DISC1: variants seen among roughly 807,000 people sequenced by gnomAD.
The protein encoded by DISC1 is disrupted in schizophrenia 1 protein.
DISC1 carries 57 observed loss-of-function variants against 84.5 expected under a neutral mutation model. That is an observed-to-expected ratio of 0.67 (90% CI 0.55 to 0.84). The LOEUF is 0.84. Ranked by LOEUF, DISC1 falls within the 40% of genes least tolerant of loss-of-function variation. DISC1 has a pLI of 0.00. For synonymous variants in DISC1, 411 were observed against 415.2 expected (o/e 0.99, Z 0.12); for missense variants, 1,000 against 1,057.8 (o/e 0.95, Z 0.76).
At chr1:231,969,137 C>A (rs1047059856) in intron 10 of DISC1, among the ~76,000 whole-genome samples, 1 of 150,734 alleles carries the variant, frequency 6.6e-6, no homozygotes, top group African/African-American at 2.4e-5. Context: ...GTAGCTAATA[C>A]CCTCCATTAA....
rs1178807714 is a variant in DISC1, at chr1:231,717,481, T to A, written c.1117+15457T>A. ...TCAGAAAAGCCAAGGCCCGCCTCCC[T>A]CTGCTGACTCTGTCTCACTGAGCCA... On this transcript the variant is annotated intron_variant, in intron 3 of 12. Transcript: ENST00000439617. Among the ~76,000 whole-genome samples the A allele has an allele frequency of 2.6e-5, 4 of 152,168 alleles. No homozygotes were observed. In the East Asian group the frequency reaches 7.7e-4, roughly 29 times the overall value.
chr1:231,855,287 A>G (rs2084190266), intron 9 of DISC1: 1 of 819,444 alleles, frequency 1.2e-6, no homozygotes, highest in Non-Finnish European at 1.4e-6. Flanking sequence ...TATATAACAT[A>G]TGTATATTTC....
At chr1:231,776,480 C>A (rs553345887) in intron 6 of DISC1, among the ~76,000 whole-genome samples, 1 of 152,180 alleles carries the variant, frequency 6.6e-6, no homozygotes. Context: ...GCTGGCTGGG[C>A]CTTGGTTGGA....
At chr1:231,967,652 A>T (rs1220881255) in intron 10 of DISC1, among the ~76,000 whole-genome samples, 1 of 152,216 alleles carries the variant, frequency 6.6e-6, no homozygotes, top group Non-Finnish European at 1.5e-5. Context: ...TATTTTGACC[A>T]ATTTTACAAG....
intron 1 of DISC1, among the ~76,000 whole-genome samples, chr1:231,635,174 A>C (rs1340674699): frequency 2.0e-5 from 3 of 152,032 alleles, no homozygotes; most frequent in African/African-American, 7.3e-5. Flanking sequence ...GACAGTCCTC[A>C]CAAAGCACAG....
intron 9 of DISC1, among the ~76,000 whole-genome samples, chr1:231,957,618 G>C (rs1659742284): frequency 6.6e-6 from 1 of 152,184 alleles, no homozygotes; most frequent in Non-Finnish European, 1.5e-5. Flanking sequence ...AATTGCTCCA[G>C]CTAGCACAAC....
chr1:231,844,604 A>G (rs1048863689), intron 9 of DISC1, among the ~76,000 whole-genome samples: 1 of 152,152 alleles, frequency 6.6e-6, no homozygotes, highest in Non-Finnish European at 1.5e-5. Flanking sequence ...GCGGGCAGGG[A>G]GGCTTCCAGG....
chr1:232,015,208 A>T (rs1253302214), intron 11 of DISC1, among the ~76,000 whole-genome samples: 1 of 151,498 alleles, frequency 6.6e-6, no homozygotes, highest in East Asian at 1.9e-4. Context: ...AAGGAAGGGG[A>T]CTCCTCTGAT....
chr1:231,972,742 G>T (rs565205277), intron 10 of DISC1, among the ~76,000 whole-genome samples: 2 of 152,310 alleles, frequency 1.3e-5, no homozygotes, highest in Admixed American at 6.5e-5. Context: ...GGCAGATAAA[G>T]AAAATGGCAG....
intron 10 of DISC1, among the ~76,000 whole-genome samples, chr1:231,992,283 T>C (rs556429588): frequency 6.6e-4 from 101 of 152,342 alleles, no homozygotes; most frequent in African/African-American, 2.3e-3. Flanking sequence ...ATCTTTATAT[T>C]GGATGCAAAT....
Position 232,009,399 on chromosome 1 carries a change from C to T in DISC1, c.2307+350C>T. 1.4e-6 allele frequency: 1 copy of T among 706,014 alleles called. No individual in the cohort carries two copies. The highest frequency in any genetic ancestry group is 1.8e-6 in the Non-Finnish European group (1 of 566,964). 43.7% of individuals were successfully genotyped at this position (706,014 alleles called of 1,614,324 possible). On this transcript the variant is annotated intron_variant, in intron 11 of 12. Transcript: ENST00000439617. The surrounding 1 kb of genome is among the most constrained non-coding windows in gnomAD (Gnocchi z 4.6). ...TTATATTCACTATAGATTATATATG[C>T]CATACATGATATTTAACATATATAC...
intron 3 of DISC1, among the ~76,000 whole-genome samples, chr1:231,740,909 C>T (rs1434221811): frequency 6.6e-6 from 1 of 152,184 alleles, no homozygotes; most frequent in Non-Finnish European, 1.5e-5. Flanking sequence ...CACTCAAAAG[C>T]TTTCAGACTT....
chr1:231,762,804 G>A (rs796725869), intron 4 of DISC1, among the ~76,000 whole-genome samples: 1 of 152,100 alleles, frequency 6.6e-6, no homozygotes, highest in South Asian at 2.1e-4. Context: ...TGAGGGTGGG[G>A]TCTGTATACA....
chr1:232,002,636 CACAA>C (rs1337173348), intron 10 of DISC1, among the ~76,000 whole-genome samples: 4,873 of 132,454 alleles, frequency 0.037, 246 homozygotes, highest in African/African-American at 0.13. Context: ...CACACACACA[CACAA>C]AAGCCAATCC....
chr1:232,035,937 C>A (rs1670477849), intron 12 of DISC1, among the ~76,000 whole-genome samples: 1 of 152,074 alleles, frequency 6.6e-6, no homozygotes, highest in South Asian at 2.1e-4. Context: ...TTGTTTTCTC[C>A]ATGTGAGAAA....
At chr1:231,681,774 C>T (rs2063721748) in intron 1 of DISC1, among the ~76,000 whole-genome samples, 1 of 152,044 alleles carries the variant, frequency 6.6e-6, no homozygotes, top group African/African-American at 2.4e-5. Context: ...TGGCTCACTG[C>T]AACCTCCGCC....
chr1:232,031,825 T>C lies in DISC1; in HGVS notation c.2426-4867T>C, dbSNP rs750288062. Among the ~76,000 whole-genome samples the C allele has an allele frequency of 4.6e-5, 7 of 152,188 alleles. No individual in the cohort carries two copies. Among genetic ancestry groups the C allele is most frequent in the Middle Eastern group, 3.2e-3 (1 of 316 alleles). On this transcript the variant is annotated intron_variant, in intron 12 of 12. Transcript: ENST00000439617. The surrounding 1 kb of genome is among the most constrained non-coding windows in gnomAD (Gnocchi z 4.6). ...TGGGTATAGTCAAGGTTTTCCTCTTTGCTCTTGAAAGACTGTGATCCTCAT... is the reference window on the plus strand; with the variant it reads ...TGGGTATAGTCAAGGTTTTCCTCTTCGCTCTTGAAAGACTGTGATCCTCAT...
At chr1:231,959,530 A>G (rs1660091290) in intron 10 of DISC1, 4 of 983,046 alleles carry the variant, frequency 4.1e-6, no homozygotes, top group Non-Finnish European at 3.6e-6. Flanking sequence ...ATTTAGTTTT[A>G]TGGAGACCAT....
At chr1:231,714,179 T>C (rs2068344982) in intron 3 of DISC1, among the ~76,000 whole-genome samples, 1 of 152,072 alleles carries the variant, frequency 6.6e-6, no homozygotes. Context: ...GAAATAAATA[T>C]AACCAAAGAA....
Sources: allele counts gnomAD v4.1 joint callset (sites outside exome capture counted in the v4.1 genomes callset), GRCh38; gene constraint gnomAD v4.1.1; non-coding constraint Gnocchi (gnomAD v3.1); transcripts MANE v1.5; gene names NCBI Gene and HGNC (gene_info 2026-07-23, HGNC 2026-07-21).